AFG2A: variants seen among roughly 807,000 people sequenced by gnomAD.
AFG2A encodes the protein AAA ATPase AFG2A.
At chr4:123,029,542 T>G in the AFG2A span, among the ~76,000 whole-genome samples, 1 of 152,232 alleles carries the variant, frequency 6.6e-6, no homozygotes, top group African/African-American at 2.4e-5. Flanking sequence ...TATTTTTTAT[T>G]TTCTGGAAGA....
At chr4:123,131,421 A>G in the AFG2A span, among the ~76,000 whole-genome samples, 391 of 152,300 alleles carry the variant, frequency 2.6e-3, 2 homozygotes, top group African/African-American at 8.7e-3. Context: ...AGTATTAAGT[A>G]TATTCACATT....
the AFG2A span, among the ~76,000 whole-genome samples, chr4:123,248,215 G>A: frequency 2.0e-5 from 3 of 152,164 alleles, no homozygotes; most frequent in Non-Finnish European, 4.4e-5. Context: ...CCAGACTGAA[G>A]TAGTTTACAT....
chr4:123,064,686 TAAC>T, the AFG2A span, among the ~76,000 whole-genome samples: 2 of 152,184 alleles, frequency 1.3e-5, no homozygotes, highest in African/African-American at 4.8e-5. Context: ...AGATTTCCCA[TAAC>T]AACTTCTATT....
chr4:123,306,925 A>T, the AFG2A span, among the ~76,000 whole-genome samples: 55 of 152,302 alleles, frequency 3.6e-4, no homozygotes, highest in Middle Eastern at 3.4e-3. Context: ...TCTGCAGCCT[A>T]TGGGGGAAGA....
the AFG2A span, among the ~76,000 whole-genome samples, chr4:123,303,290 G>A: frequency 2.6e-5 from 4 of 152,284 alleles, no homozygotes; most frequent in African/African-American, 9.6e-5. Context: ...GAAGGCTGAA[G>A]CAAGAGGATT....
the AFG2A span, among the ~76,000 whole-genome samples, chr4:123,019,081 T>G: frequency 1.3e-5 from 2 of 152,260 alleles, no homozygotes; most frequent in African/African-American, 4.8e-5. Flanking sequence ...AAATAAAGTA[T>G]CTAGTATTTA....
the AFG2A span, among the ~76,000 whole-genome samples, chr4:123,023,533 T>C: frequency 1.3e-5 from 2 of 152,206 alleles, no homozygotes; most frequent in African/African-American, 4.8e-5. Flanking sequence ...TCTAACTCTT[T>C]CTTTGCCATT....
the AFG2A span, among the ~76,000 whole-genome samples, chr4:123,126,324 T>C: frequency 1.3e-5 from 2 of 152,236 alleles, no homozygotes; most frequent in Non-Finnish European, 2.9e-5. Context: ...AGGTTTTGTT[T>C]AGTTTTTACT....
the AFG2A span, among the ~76,000 whole-genome samples, chr4:123,021,542 T>C: frequency 2.6e-5 from 4 of 152,218 alleles, no homozygotes; most frequent in African/African-American, 9.6e-5. Context: ...TAAGAATCAC[T>C]TGATTGATGT....
At chr4:122,924,690 G>C in the AFG2A span, among the ~76,000 whole-genome samples, 1 of 151,790 alleles carries the variant, frequency 6.6e-6, no homozygotes, top group Admixed American at 6.6e-5. Context: ...CCCATCTATA[G>C]TCTCTTCAGT....
chr4:123,243,233 C>G, the AFG2A span, among the ~76,000 whole-genome samples: 2 of 152,120 alleles, frequency 1.3e-5, no homozygotes, highest in Non-Finnish European at 2.9e-5. Context: ...TTGACCCAGC[C>G]ATCCCATTAC....
At chr4:123,284,980 C>A in the AFG2A span, among the ~76,000 whole-genome samples, 1 of 152,100 alleles carries the variant, frequency 6.6e-6, no homozygotes, top group Admixed American at 6.6e-5. Context: ...CCTTTTTAAA[C>A]CTTCCTTAGA....
chr4:122,929,905 G>C, the AFG2A span, among the ~76,000 whole-genome samples: 6 of 152,166 alleles, frequency 3.9e-5, no homozygotes, highest in African/African-American at 1.2e-4. Context: ...ATAATTTATA[G>C]ACTAAGGACT....
chr4:123,032,824 A>G, the AFG2A span, among the ~76,000 whole-genome samples: 1 of 152,252 alleles, frequency 6.6e-6, no homozygotes. Context: ...TCATGAGTGT[A>G]CACAGCCAAC....
the AFG2A span, among the ~76,000 whole-genome samples, chr4:123,287,068 C>G: frequency 6.6e-6 from 1 of 152,060 alleles, no homozygotes; most frequent in Admixed American, 6.6e-5. Context: ...TACCGGCAGG[C>G]CCCTAGAGAG....
the AFG2A span, among the ~76,000 whole-genome samples, chr4:123,152,289 C>A: frequency 6.6e-6 from 1 of 152,086 alleles, no homozygotes; most frequent in Non-Finnish European, 1.5e-5. Flanking sequence ...TATCCCAGAA[C>A]TTAAAGTATA....
chr4:122,989,736 T>TATGTC, the AFG2A span, among the ~76,000 whole-genome samples: 4 of 152,292 alleles, frequency 2.6e-5, no homozygotes, highest in South Asian at 6.2e-4. Flanking sequence ...GCTGGATGCT[T>TATGTC]ATGTCATCCT....
the AFG2A span, among the ~76,000 whole-genome samples, chr4:123,179,580 T>G: frequency 6.6e-6 from 1 of 152,160 alleles, no homozygotes; most frequent in Non-Finnish European, 1.5e-5. Flanking sequence ...CCCAGGCTGG[T>G]CTGGAACTCT....
chr4:122,949,191 C>T, the AFG2A span, among the ~76,000 whole-genome samples: 1 of 152,140 alleles, frequency 6.6e-6, no homozygotes, highest in Admixed American at 6.5e-5. Context: ...TTAAGATGTC[C>T]AGGGCCATGC....
Sources: allele counts gnomAD v4.1 joint callset (sites outside exome capture counted in the v4.1 genomes callset), GRCh38; gene constraint gnomAD v4.1.1; transcripts MANE v1.5; gene names NCBI Gene and HGNC (gene_info 2026-07-23, HGNC 2026-07-21).